Variants in RBFOX1 observed in about 807,000 individuals in gnomAD.
RBFOX1 encodes the protein RNA binding fox-1 homolog 1.
RBFOX1 carries 8 observed loss-of-function variants against 57.7 expected under a neutral mutation model. That is an observed-to-expected ratio of 0.14 (90% CI 0.08 to 0.25). RBFOX1 has a LOEUF of 0.25. Among genes scored for constraint, RBFOX1 ranks in the 10% least tolerant of loss-of-function variants. The pLI is 1.00. For synonymous variants in RBFOX1, 326 were observed against 222.4 expected (o/e 1.47, Z -4.15); for missense variants, 611 against 548.5 (o/e 1.11, Z -1.14).
At chr16:7,455,243 T>C (rs1192524675) in intron 4 of RBFOX1, among the ~76,000 whole-genome samples, 2 of 152,176 alleles carry the variant, frequency 1.3e-5, no homozygotes, top group African/African-American at 4.8e-5. Flanking sequence ...TGGTTTTATT[T>C]CCTTTGTAAT....
intron 10 of RBFOX1, among the ~76,000 whole-genome samples, chr16:7,622,224 C>A (rs991273864): frequency 1.3e-5 from 2 of 151,124 alleles, no homozygotes; most frequent in African/African-American, 4.9e-5. Flanking sequence ...ATCTGTGTCA[C>A]CTCAGGCAAG....
chr16:6,387,391 T>C (rs934858973), intron 2 of RBFOX1, among the ~76,000 whole-genome samples: 4 of 151,898 alleles, frequency 2.6e-5, no homozygotes, highest in Non-Finnish European at 5.9e-5. Flanking sequence ...ACTTGACTTC[T>C]ATTTACACTC....
At chr16:7,553,079 C>G (rs377365203) in intron 5 of RBFOX1, among the ~76,000 whole-genome samples, 1 of 151,778 alleles carries the variant, frequency 6.6e-6, no homozygotes, top group Non-Finnish European at 1.5e-5. Context: ...TTCTTTCATT[C>G]CTTCCCTCCT....
intron 4 of RBFOX1, among the ~76,000 whole-genome samples, chr16:5,991,762 G>A (rs2060403946): frequency 1.3e-5 from 2 of 150,850 alleles, no homozygotes; most frequent in African/African-American, 4.9e-5. Context: ...TCCCAGCCCT[G>A]CCAATAATCA....
intron 3 of RBFOX1, among the ~76,000 whole-genome samples, chr16:6,906,905 G>A (rs2070140935): frequency 6.6e-6 from 1 of 151,962 alleles, no homozygotes; most frequent in Non-Finnish European, 1.5e-5. Context: ...TGTATTTTTA[G>A]TAGAGATGGG....
At chr16:7,047,716 CTT>C (rs55636828) in intron 3 of RBFOX1, among the ~76,000 whole-genome samples, 1,363 of 47,696 alleles carry the variant, frequency 0.029, 16 homozygotes, top group East Asian at 0.07. Flanking sequence ...TCCTGCATTT[CTT>C]TTTTTTTTTT....
intron 10 of RBFOX1, among the ~76,000 whole-genome samples, chr16:7,616,658 G>A (rs2058496958): frequency 6.6e-6 from 1 of 152,058 alleles, no homozygotes; most frequent in Non-Finnish European, 1.5e-5. Context: ...CTGCCTCCCA[G>A]GTAGCTGGGA....
At chr16:6,144,143 C>A (rs1353815720) in intron 1 of RBFOX1, among the ~76,000 whole-genome samples, 1 of 152,018 alleles carries the variant, frequency 6.6e-6, no homozygotes, top group African/African-American at 2.4e-5. Flanking sequence ...GCATGTATTC[C>A]TATAGCATGG....
chr16:6,575,031 C>G (rs2097408307), intron 2 of RBFOX1, among the ~76,000 whole-genome samples: 1 of 101,938 alleles, frequency 9.8e-6, no homozygotes, highest in African/African-American at 3.3e-5. Context: ...GAGCGAGACT[C>G]CGTCTCAATT....
chr16:7,615,686 G>A (rs2058324498), intron 10 of RBFOX1, among the ~76,000 whole-genome samples: 1 of 152,060 alleles, frequency 6.6e-6, no homozygotes, highest in South Asian at 2.1e-4. Flanking sequence ...GGCAATTTCT[G>A]GAAACATTTG....
At chr16:5,600,972 C>G (rs1172906577), downstream of RBFOX1, among the ~76,000 whole-genome samples, 3 of 152,196 alleles carry the variant, frequency 2.0e-5, no homozygotes, top group Non-Finnish European at 4.4e-5. Context: ...ACAGCCTGGA[C>G]TTACCCTCTG....
chr16:5,357,953 T>C (rs1032900880), intron 1 of RBFOX1, among the ~76,000 whole-genome samples: 5 of 152,206 alleles, frequency 3.3e-5, no homozygotes, highest in African/African-American at 1.2e-4. Flanking sequence ...TAAAAATTGC[T>C]GGGGGACTTT....
intron 3 of RBFOX1, among the ~76,000 whole-genome samples, chr16:6,658,007 C>T (rs76216066): frequency 0.016 from 2,368 of 152,014 alleles, 66 homozygotes; most frequent in African/African-American, 0.053. Flanking sequence ...TTGTGTACCT[C>T]GATTTATAGC....
intron 4 of RBFOX1, among the ~76,000 whole-genome samples, chr16:7,371,816 C>T (rs374704951): frequency 2.0e-5 from 3 of 152,170 alleles, no homozygotes; most frequent in East Asian, 1.9e-4. Context: ...ATGTTGTTTT[C>T]ACATACTGAC....
At chr16:6,259,535 C>A (rs748411686) in intron 1 of RBFOX1, among the ~76,000 whole-genome samples, 3 of 152,124 alleles carry the variant, frequency 2.0e-5, no homozygotes, top group Non-Finnish European at 4.4e-5. Context: ...CTTTGCCTTC[C>A]TGATTCACCT....
chr16:5,786,797 C>T (rs1391885168), intron 3 of RBFOX1, among the ~76,000 whole-genome samples: 1 of 152,082 alleles, frequency 6.6e-6, no homozygotes, highest in Non-Finnish European at 1.5e-5. Context: ...TGGTGTTTGA[C>T]CTCATCAGAG....
intron 4 of RBFOX1, among the ~76,000 whole-genome samples, chr16:7,475,407 C>T (rs928878443): frequency 2.0e-5 from 3 of 151,568 alleles, no homozygotes; most frequent in Non-Finnish European, 2.9e-5. Context: ...TTCTGCCTCC[C>T]GGGTTCAAGC....
intron 15 of RBFOX1, chr16:7,709,785 G>C: frequency 8.1e-7 from 1 of 1,227,206 alleles, no homozygotes; most frequent in Non-Finnish European, 1.0e-6. Flanking sequence ...GGGAGGTAAG[G>C]GTGGGGTGAA....
chr16:6,257,418 T>C (rs1163984095), intron 1 of RBFOX1, among the ~76,000 whole-genome samples: 1 of 152,030 alleles, frequency 6.6e-6, no homozygotes, highest in East Asian at 1.9e-4. Flanking sequence ...AATTTCTTCT[T>C]CTTCTTTTTT....
Sources: allele counts gnomAD v4.1 joint callset (sites outside exome capture counted in the v4.1 genomes callset), GRCh38; gene constraint gnomAD v4.1.1; transcripts MANE v1.5; gene names NCBI Gene and HGNC (gene_info 2026-07-23, HGNC 2026-07-21).